Variants in ARHGAP6 observed in about 807,000 individuals in gnomAD.
The protein encoded by ARHGAP6 is Rho GTPase activating protein 6, also known as rho GTPase-activating protein 6.
In ARHGAP6, 16 loss-of-function variants were observed where a neutral mutation model predicts 55.7. That is an observed-to-expected ratio of 0.29 (90% confidence interval 0.19 to 0.44). The LOEUF (loss-of-function observed/expected upper bound fraction) is 0.44, where lower values mean the gene tolerates loss of function less well. Among genes scored for constraint, ARHGAP6 ranks in the 20% least tolerant of loss-of-function variants. The pLI, the probability that ARHGAP6 is intolerant of heterozygous loss-of-function variation, is 1.00. For missense variants in ARHGAP6, 698 were observed against 808.9 expected (o/e 0.86, Z 1.66); for synonymous variants, 382 against 360.9 (o/e 1.06, Z -0.66).
intron 1 of ARHGAP6, among the ~76,000 whole-genome samples, chrX:11,528,088 T>A (rs938276207): frequency 1.8e-5 from 2 of 112,141 alleles, no homozygotes; most frequent in Admixed American, 1.9e-4. Flanking sequence ...CCATTAAAAT[T>A]TTCGATAAGT....
rs755073020 is a variant in ARHGAP6 at position 11,495,690 on chromosome X, C to T, written c.588+168551G>A. On this transcript the variant is annotated intron_variant, in intron 1 of 12. Coordinates refer to ENST00000337414, the MANE Select transcript of ARHGAP6 (RefSeq NM_013427.3). ...CCTCTTTCCCTTCCTGGTATTTATG[C>T]CCCTACCCAATCTCTTCCCTTTGAG... 3.6e-5 allele frequency among the ~76,000 whole-genome samples: 4 copies of T among 111,905 alleles called. No homozygotes were observed. In the East Asian group the frequency reaches 1.1e-3, roughly 32 times the overall value.
intron 1 of ARHGAP6, among the ~76,000 whole-genome samples, chrX:11,467,538 T>C (rs2050305636): frequency 1.8e-5 from 2 of 111,685 alleles, no homozygotes; most frequent in Middle Eastern, 9.2e-3. Context: ...TTATGGTATA[T>C]ACATAGAATG....
chrX:11,255,405 T>A (rs955935373), intron 1 of ARHGAP6, among the ~76,000 whole-genome samples: 6 of 110,076 alleles, frequency 5.5e-5, no homozygotes, highest in Non-Finnish European at 1.1e-4. Flanking sequence ...TTTAATAATA[T>A]AATCTAGTAT....
At chrX:11,489,928 G>A (rs1460079640) in intron 1 of ARHGAP6, among the ~76,000 whole-genome samples, 3 of 111,539 alleles carry the variant, frequency 2.7e-5, no homozygotes, top group Non-Finnish European at 5.7e-5. Context: ...CAGGAAGCAT[G>A]TGAGAACCAT....
chrX:11,630,836 C>T (rs1431347477), intron 1 of ARHGAP6, among the ~76,000 whole-genome samples: 2 of 111,932 alleles, frequency 1.8e-5, no homozygotes, highest in East Asian at 5.6e-4. Context: ...GATCCTGAAG[C>T]GACCTTTGAT....
At chrX:11,245,667 A>G (rs961672212) in intron 2 of ARHGAP6, among the ~76,000 whole-genome samples, 6 of 112,270 alleles carry the variant, frequency 5.3e-5, no homozygotes, top group African/African-American at 1.9e-4. Flanking sequence ...ACATATTTTG[A>G]AAATGAAAGA....
intron 1 of ARHGAP6, among the ~76,000 whole-genome samples, chrX:11,333,219 T>C (rs1018689329): frequency 4.5e-5 from 5 of 112,222 alleles, no homozygotes; most frequent in South Asian, 3.8e-4. Context: ...GCTTGAATTA[T>C]AGTTCCCATA....
chrX:11,647,892 G>A (rs896981441), intron 1 of ARHGAP6, among the ~76,000 whole-genome samples: 1 of 111,791 alleles, frequency 8.9e-6, no homozygotes, highest in East Asian at 2.8e-4. Context: ...GCAAGCTCAC[G>A]AAAAATAAAT....
chrX:11,598,457 G>A (rs1304933841), intron 1 of ARHGAP6, among the ~76,000 whole-genome samples: 1 of 111,948 alleles, frequency 8.9e-6, no homozygotes, highest in Non-Finnish European at 1.9e-5. Context: ...CCCTGGCAGT[G>A]AGCAAAGTAC....
At chrX:11,622,612 CT>C (rs1312527140) in intron 1 of ARHGAP6, among the ~76,000 whole-genome samples, 3 of 111,328 alleles carry the variant, frequency 2.7e-5, no homozygotes, top group Non-Finnish European at 5.7e-5. Context: ...TGACTGATTA[CT>C]TTAACTGCTT....
chrX:11,553,942 C>T (rs781612386), intron 1 of ARHGAP6, among the ~76,000 whole-genome samples: 1 of 111,808 alleles, frequency 8.9e-6, no homozygotes, highest in Non-Finnish European at 1.9e-5. Flanking sequence ...ATTGAGTAGG[C>T]AGAATGTACT....
At position 11,145,503 on chromosome X, in the gene ARHGAP6, C is replaced by CT. The variant is rs759837942; in HGVS notation, c.1908-1256dup. ...TAAAGAAGCCCCTTCCTTGCCTCCTCTTTGAACTCTCATCACGTAATCTTA... is the reference window on the plus strand; with the variant it reads ...TAAAGAAGCCCCTTCCTTGCCTCCTCTTTTGAACTCTCATCACGTAATCTTA... On this transcript the variant is annotated intron_variant, in intron 10 of 12. Transcript: ENST00000337414. Among the ~76,000 whole-genome samples, 203 of 112,184 alleles carry CT rather than the reference C, an allele frequency of 1.8e-3. 1 individual carries two copies. Among genetic ancestry groups the CT allele is most frequent in the African/African-American group, 6.4e-3 (198 of 30,847 alleles).
intron 1 of ARHGAP6, among the ~76,000 whole-genome samples, chrX:11,355,825 G>A (rs1002664030): frequency 3.6e-5 from 4 of 111,409 alleles, no homozygotes; most frequent in African/African-American, 1.3e-4. Flanking sequence ...GCTGGAAATG[G>A]GGAAAGAGCA....
chrX:11,629,019 GTA>G (rs1491221875), intron 1 of ARHGAP6, among the ~76,000 whole-genome samples: 59 of 99,545 alleles, frequency 5.9e-4, no homozygotes, highest in South Asian at 1.3e-3. Context: ...GTGTGTGTGT[GTA>G]TACACGAGCT....
chrX:11,216,446 G>C (rs2046884122), intron 2 of ARHGAP6, among the ~76,000 whole-genome samples: 1 of 111,513 alleles, frequency 9.0e-6, no homozygotes, highest in Non-Finnish European at 1.9e-5. Flanking sequence ...TTGAGGTCAG[G>C]AGTTTGAGAC....
chrX:11,152,848 C>T (rs2045803032), intron 10 of ARHGAP6, among the ~76,000 whole-genome samples: 1 of 112,020 alleles, frequency 8.9e-6, no homozygotes, highest in South Asian at 3.7e-4. Flanking sequence ...TAAAATCATG[C>T]AAGAGACTTT....
At chrX:11,519,434 T>C (rs1399251017) in intron 1 of ARHGAP6, among the ~76,000 whole-genome samples, 108 of 108,970 alleles carry the variant, frequency 9.9e-4, no homozygotes, top group African/African-American at 3.5e-3. Context: ...AAATGTCTTC[T>C]TTTGAGAAGT....
At chrX:11,246,280 T>C (rs2047351584) in intron 2 of ARHGAP6, among the ~76,000 whole-genome samples, 1 of 111,142 alleles carries the variant, frequency 9.0e-6, no homozygotes, top group Non-Finnish European at 1.9e-5. Context: ...TTTAAGCTCA[T>C]TATGGTTATT....
intron 1 of ARHGAP6, among the ~76,000 whole-genome samples, chrX:11,631,954 T>C (rs963215352): frequency 4.5e-5 from 5 of 112,074 alleles, no homozygotes; most frequent in African/African-American, 1.3e-4. Flanking sequence ...AAAGGCTGAA[T>C]TGGGCTCATG....
Sources: allele counts gnomAD v4.1 joint callset (sites outside exome capture counted in the v4.1 genomes callset), GRCh38; gene constraint gnomAD v4.1.1; transcripts MANE v1.5; gene names NCBI Gene and HGNC (gene_info 2026-07-23, HGNC 2026-07-21).